ALKBH8: variants seen among roughly 807,000 people sequenced by gnomAD.
The protein encoded by ALKBH8 is alkB homolog 8, tRNA methyltransferase, also known as tRNA (carboxymethyluridine(34)-5-O)-methyltransferase ALKBH8.
A neutral mutation model predicts 59.8 loss-of-function variants in ALKBH8; 36 were observed. That is an observed-to-expected ratio of 0.60 (90% CI 0.46 to 0.79). The LOEUF (loss-of-function observed/expected upper bound fraction) is 0.79, where lower values mean the gene tolerates loss of function less well. Among genes scored for constraint, ALKBH8 ranks in the 30% least tolerant of loss-of-function variants. The pLI is 0.00. For missense variants in ALKBH8, 768 were observed against 801.0 expected (o/e 0.96, Z 0.50); for synonymous variants, 276 against 273.6 (o/e 1.01, Z -0.09).
At chr11:107,518,904 A>T (rs979669474) in intron 10 of ALKBH8, among the ~76,000 whole-genome samples, 11 of 152,046 alleles carry the variant, frequency 7.2e-5, no homozygotes, top group Non-Finnish European at 1.3e-4. Context: ...TTCCTCTAGC[A>T]CCACTAGGTT....
At chr11:107,560,517 T>C (rs1402549098) in intron 2 of ALKBH8, among the ~76,000 whole-genome samples, 1 of 152,202 alleles carries the variant, frequency 6.6e-6, no homozygotes, top group Non-Finnish European at 1.5e-5. Flanking sequence ...ACTGAGAAAC[T>C]TGCACAGTAT....
intron 7 of ALKBH8, among the ~76,000 whole-genome samples, chr11:107,538,201 G>T: frequency 6.8e-6 from 1 of 147,646 alleles, no homozygotes; most frequent in Non-Finnish European, 1.5e-5. Flanking sequence ...AACTTATTTT[G>T]GCATATAATT....
At chr11:107,514,313 G>T (rs950818432) in intron 10 of ALKBH8, among the ~76,000 whole-genome samples, 3 of 152,028 alleles carry the variant, frequency 2.0e-5, no homozygotes, top group Non-Finnish European at 4.4e-5. Context: ...CACAATAAAA[G>T]AATGGAAATT....
chr11:107,534,749 T>G (rs1319005127), intron 7 of ALKBH8, among the ~76,000 whole-genome samples: 2 of 112,818 alleles, frequency 1.8e-5, no homozygotes, highest in Non-Finnish European at 3.9e-5. Context: ...AAATTGACCA[T>G]TCCTCATCTT....
In ALKBH8 at chr11:107,504,086, G is replaced by A. The variant is rs572190153; in HGVS notation, c.*572C>T. 1.9e-5 allele frequency: 3 copies of A among 160,504 alleles called. No homozygotes were observed. Among genetic ancestry groups the A allele is most frequent in the South Asian group, 4.0e-4 (2 of 5,060 alleles). The allele number at this position is 160,504 out of a possible 1,614,324, so 9.9% of individuals were successfully genotyped here. A position where few individuals can be genotyped will look rare whatever the true frequency, so the allele number is the denominator to read the frequency against. ...AAAATAGTAACTGGTACATGGTTGG[G>A]TTCAAAAAATAGTTTTTGAATGAAA... On this transcript the variant is annotated 3_prime_UTR_variant, in exon 12 of 12. Transcript: ENST00000428149.
intron 7 of ALKBH8, among the ~76,000 whole-genome samples, chr11:107,533,782 C>G (rs490312): frequency 0.31 from 46,876 of 151,942 alleles, 7,511 homozygotes; most frequent in East Asian, 0.47. Flanking sequence ...TAGAATCTAG[C>G]TAGTAGACAT....
chr11:107,537,394 G>C (rs1458212201), intron 7 of ALKBH8, among the ~76,000 whole-genome samples: 1 of 152,200 alleles, frequency 6.6e-6, no homozygotes, highest in Non-Finnish European at 1.5e-5. Flanking sequence ...ATGAGATCAT[G>C]TCCTTTGCAG....
intron 8 of ALKBH8, 105 bp from the exon 9 acceptor site, chr11:107,525,697 C>T: frequency 1.3e-6 from 1 of 774,762 alleles, no homozygotes; most frequent in Non-Finnish European, 1.8e-6. Context: ...GAATTTATTA[C>T]AAATATCTAT....
At chr11:107,520,269 GA>G (rs1331655662) in intron 10 of ALKBH8, among the ~76,000 whole-genome samples, 1 of 152,144 alleles carries the variant, frequency 6.6e-6, no homozygotes, top group African/African-American at 2.4e-5. Context: ...AAGCTCCAGG[GA>G]ACAACAGACA....
chr11:107,561,383 C>CA (rs35555057), intron 1 of ALKBH8, among the ~76,000 whole-genome samples: 143 of 139,334 alleles, frequency 1.0e-3, no homozygotes, highest in East Asian at 2.3e-3. Flanking sequence ...ATAGCAGTGC[C>CA]AAAAAAAAAA....
intron 7 of ALKBH8, among the ~76,000 whole-genome samples, chr11:107,533,058 C>A (rs2135527310): frequency 6.6e-6 from 1 of 151,934 alleles, no homozygotes; most frequent in Non-Finnish European, 1.5e-5. Flanking sequence ...AAAAAAGGAA[C>A]ATTTTCGGCA....
At chr11:107,519,019 G>A (rs1389137318) in intron 10 of ALKBH8, among the ~76,000 whole-genome samples, 33 of 152,146 alleles carry the variant, frequency 2.2e-4, no homozygotes, top group Admixed American at 2.2e-3. Context: ...TGCCCAGGCT[G>A]GTCTTGAACT....
chr11:107,524,254 G>C (rs961815341), intron 9 of ALKBH8, among the ~76,000 whole-genome samples: 1 of 151,646 alleles, frequency 6.6e-6, no homozygotes, highest in Non-Finnish European at 1.5e-5. Context: ...TGCAGACAGG[G>C]GGTCTTCCTA....
intron 10 of ALKBH8, among the ~76,000 whole-genome samples, chr11:107,515,289 C>T (rs1862815929): frequency 1.3e-5 from 2 of 152,154 alleles, no homozygotes; most frequent in South Asian, 4.1e-4. Context: ...CAAGGACTTG[C>T]GTAAAGCTAC....
intron 3 of ALKBH8, 84 bp from the exon 4 acceptor site, chr11:107,554,062 G>A (rs1352219835): frequency 2.7e-6 from 4 of 1,506,582 alleles, no homozygotes; most frequent in Non-Finnish European, 3.6e-6. Flanking sequence ...CTCTTTATCA[G>A]TTCACAAAAC....
At chr11:107,546,724 T>C (rs941755511) in intron 7 of ALKBH8, among the ~76,000 whole-genome samples, 5 of 152,150 alleles carry the variant, frequency 3.3e-5, no homozygotes, top group Non-Finnish European at 7.4e-5. Context: ...TATACACATA[T>C]CATACATATT....
At chr11:107,561,036 CAACT>C in intron 1 of ALKBH8, 137 bp from the exon 2 acceptor site, 1 of 688,592 alleles carries the variant, frequency 1.5e-6, no homozygotes, top group East Asian at 2.8e-5. Context: ...TACCTTGTAC[CAACT>C]AAGAGAAGTG....
At chr11:107,515,382 G>C (rs759930699) in intron 10 of ALKBH8, among the ~76,000 whole-genome samples, 1 of 152,078 alleles carries the variant, frequency 6.6e-6, no homozygotes, top group African/African-American at 2.4e-5. Flanking sequence ...TGGAGACAGG[G>C]TCTCACTCTG....
At chr11:107,512,217 GACAC>G (rs10590443) in intron 10 of ALKBH8, among the ~76,000 whole-genome samples, 1 of 151,114 alleles carries the variant, frequency 6.6e-6, no homozygotes, top group African/African-American at 2.4e-5. Flanking sequence ...GTAATATACA[GACAC>G]ACACACACAC....
Sources: gnomAD v4.1 joint callset for allele counts (sites outside exome capture counted in the v4.1 genomes callset) on GRCh38, gnomAD v4.1.1 for gene constraint, MANE v1.5 for transcripts, NCBI Gene and HGNC (gene_info 2026-07-23, HGNC 2026-07-21) for gene names.